The following PDE4DIP variants were observed in gnomAD, a reference collection of about 807,000 sequenced individuals.
The protein encoded by PDE4DIP is phosphodiesterase 4D interacting protein.
A neutral mutation model predicts 221.4 loss-of-function variants in PDE4DIP; 59 were observed. The observed-to-expected ratio is 0.27, with a 90% CI of 0.22 to 0.33. PDE4DIP has a LOEUF of 0.33. Among genes scored for constraint, PDE4DIP ranks in the 10% least tolerant of loss-of-function variants. PDE4DIP has a pLI of 1.00. For synonymous variants in PDE4DIP, 404 were observed against 815.9 expected (o/e 0.50, Z 8.60); for missense variants, 1,036 against 2,154.2 (o/e 0.48, Z 10.28).
exon 44 of PDE4DIP, chr1:149,032,289 A>G: frequency 5.0e-6 from 3 of 595,164 alleles, no homozygotes; most frequent in Non-Finnish European, 9.0e-6. Context: ...GCCTCTCAAC[A>G]GCCCCAGCAG....
intron 5 of PDE4DIP, among the ~76,000 whole-genome samples, chr1:148,951,471 C>T (rs1441112881): frequency 1.3e-5 from 2 of 152,224 alleles, no homozygotes; most frequent in African/African-American, 4.8e-5. Flanking sequence ...TGGTTTTCAC[C>T]GAAGTCAGTG....
At chr1:148,953,994 T>G in intron 5 of PDE4DIP, 1 of 738,046 alleles carries the variant, frequency 1.4e-6, no homozygotes, top group Non-Finnish European at 2.4e-6. Flanking sequence ...AGGTTAGAAA[T>G]ATTCTGGACT....
chr1:148,919,511 T>A (rs2044966867), intron 1 of PDE4DIP, among the ~76,000 whole-genome samples: 1 of 151,652 alleles, frequency 6.6e-6, no homozygotes, highest in Non-Finnish European at 1.5e-5. Context: ...CTTTGTCTTT[T>A]GGTCAAGACA....
At chr1:148,823,543 TACA>T (rs1454521537) in intron 1 of PDE4DIP, among the ~76,000 whole-genome samples, 14 of 150,602 alleles carry the variant, frequency 9.3e-5, no homozygotes, top group Non-Finnish European at 2.1e-4. Context: ...CATCTAACCC[TACA>T]ACACCAGCTC....
chr1:148,986,779 C>T (rs187575458), intron 21 of PDE4DIP, among the ~76,000 whole-genome samples: 6 of 152,324 alleles, frequency 3.9e-5, no homozygotes, highest in African/African-American at 1.4e-4. Flanking sequence ...ACAGAGGTTT[C>T]AGGAGCCAAC....
chr1:148,933,709 G>A (rs1350697994), intron 4 of PDE4DIP, among the ~76,000 whole-genome samples: 1 of 152,076 alleles, frequency 6.6e-6, no homozygotes, highest in Non-Finnish European at 1.5e-5. Context: ...AAATTTAATC[G>A]CACCATGGCA....
chr1:148,935,316 C>T (rs1490200946), intron 4 of PDE4DIP, among the ~76,000 whole-genome samples: 6 of 146,474 alleles, frequency 4.1e-5, no homozygotes, highest in African/African-American at 1.5e-4. Flanking sequence ...GAGAATATGC[C>T]TAGCACATAG....
intron 40 of PDE4DIP, 137 bp from the exon 44 acceptor site, chr1:149,028,423 A>G (rs587676764): frequency 1.0e-5 from 6 of 599,664 alleles, no homozygotes. Context: ...CTTAGTTCTG[A>G]GAGCTGCAAA....
rs1373736863 is a variant in PDE4DIP at position 148,989,353 on chromosome 1, A to C, written c.2816-2532A>C. On this transcript the variant is annotated intron_variant, in intron 21 of 43. Coordinates refer to ENST00000369354, the Ensembl canonical transcript of PDE4DIP. ...CTGTGTGGCAGAGTGTCGAGATGAG[A>C]TGAGCATTTATTTGTCTCCGTCGAA... 4.3e-6 allele frequency: 4 copies of C among 923,870 alleles called. No homozygotes were observed. In the African/African-American group the frequency reaches 7.2e-5, roughly 17 times the overall value. 57.2% of individuals were successfully genotyped at this position (923,870 alleles called of 1,614,324 possible). A position where few individuals can be genotyped will look rare whatever the true frequency, so the allele number is the denominator to read the frequency against.
At chr1:148,972,669 G>C (rs2059430848) in intron 16 of PDE4DIP, 77 bp downstream of exon 19, 1 of 475,226 alleles carries the variant, frequency 2.1e-6, no homozygotes, top group African/African-American at 2.2e-5. Context: ...TGTATTATAG[G>C]TTTGGCCAAG....
intron 4 of PDE4DIP, among the ~76,000 whole-genome samples, chr1:148,937,450 C>T (rs2049461483): frequency 6.6e-6 from 1 of 152,072 alleles, no homozygotes; most frequent in Non-Finnish European, 1.5e-5. Flanking sequence ...CCACCACCAC[C>T]AAAAAATTCT....
chr1:148,986,750 G>A (rs1462076912), intron 21 of PDE4DIP, among the ~76,000 whole-genome samples: 1 of 152,186 alleles, frequency 6.6e-6, no homozygotes, highest in African/African-American at 2.4e-5. Flanking sequence ...TTTGCTGTAG[G>A]AGAATAGCAG....
intron 5 of PDE4DIP, among the ~76,000 whole-genome samples, chr1:148,948,074 T>C (rs587766215): frequency 9.7e-5 from 14 of 143,682 alleles, no homozygotes; most frequent in East Asian, 2.1e-4. Flanking sequence ...ACATATTTCA[T>C]TGTAGATTAG....
intron 22 of PDE4DIP, among the ~76,000 whole-genome samples, chr1:148,995,961 C>T (rs2152426551): frequency 6.6e-6 from 1 of 150,458 alleles, no homozygotes; most frequent in South Asian, 2.1e-4. Context: ...CAAAGAAAGT[C>T]CACTTTGAGA....
intron 37 of PDE4DIP, chr1:149,021,581 T>C (rs1553619460): frequency 6.5e-6 from 1 of 153,100 alleles, no homozygotes; most frequent in Non-Finnish European, 1.5e-5. Flanking sequence ...TATTGCCCTC[T>C]CATGTAATTT....
chr1:148,984,737 G>A (rs768047574), intron 21 of PDE4DIP: 2 of 152,058 alleles, frequency 1.3e-5, no homozygotes, highest in Non-Finnish European at 2.9e-5. Context: ...GAGAAATAAA[G>A]GTTGACTGAG....
At chr1:148,954,386 T>G (rs1257394191) in intron 5 of PDE4DIP, among the ~76,000 whole-genome samples, 2 of 152,078 alleles carry the variant, frequency 1.3e-5, no homozygotes, top group Non-Finnish European at 2.9e-5. Context: ...TGCCTGTAAA[T>G]GATTAGAGCA....
chr1:149,023,341 A>C (rs1220010219), intron 37 of PDE4DIP, among the ~76,000 whole-genome samples: 2 of 151,926 alleles, frequency 1.3e-5, no homozygotes, highest in Non-Finnish European at 2.9e-5. Context: ...TGTGGCTCAC[A>C]TGCAACTGGG....
Position 148,981,283 on chromosome 1 carries a change from C to T in PDE4DIP, c.2701C>T (p.Arg901Ter), listed in dbSNP as rs1363456472. The change falls in exon 21 of 44, where the codon CGA becomes TGA. Residue 901 changes from arginine (R) to a stop codon, truncating the protein, a stop_gained. Transcript: ENST00000369354. LOFTEE classifies it high-confidence loss of function. Reference sequence around the variant, plus strand: ...ATGTTTAATCAGCTCTGAGAGAGACCGAACTCTGCAGGTGGAACTGGAAGG... The same window carrying T: ...ATGTTTAATCAGCTCTGAGAGAGACTGAACTCTGCAGGTGGAACTGGAAGG... The T allele has an allele frequency of 4.3e-6, 7 of 1,613,332 alleles. No individual in the cohort carries two copies. The highest frequency in any genetic ancestry group is 5.1e-6 in the Non-Finnish European group (6 of 1,179,928).
Sources: gnomAD v4.1 joint callset for allele counts (sites outside exome capture counted in the v4.1 genomes callset) on GRCh38, gnomAD v4.1.1 for gene constraint, MANE v1.5 for transcripts, NCBI Gene and HGNC (gene_info 2026-07-23, HGNC 2026-07-21) for gene names.